LRBA: variants seen among roughly 807,000 people sequenced by gnomAD.
LRBA encodes the protein LPS responsive beige-like anchor protein.
A neutral mutation model predicts 330.0 loss-of-function variants in LRBA; 176 were observed. The observed-to-expected ratio is 0.53, with a 90% CI of 0.47 to 0.60. The LOEUF is 0.60. Ranked by LOEUF, LRBA falls within the 20% of genes least tolerant of loss-of-function variation. The pLI is 0.00. For missense variants in LRBA, 3,259 were observed against 3,444.8 expected, an observed-to-expected ratio of 0.95 and a Z score of 1.35; for synonymous variants, 1,230 against 1,193.0, an observed-to-expected ratio of 1.03 and a Z score of -0.64.
intron 35 of LRBA, among the ~76,000 whole-genome samples, chr4:150,739,388 A>C (rs575036528): frequency 2.0e-5 from 3 of 152,330 alleles, no homozygotes; most frequent in African/African-American, 7.2e-5. Flanking sequence ...GTCACAAAGC[A>C]ATTTACAGTG....
At chr4:150,618,885 C>T (rs1776037364) in intron 37 of LRBA, among the ~76,000 whole-genome samples, 1 of 150,074 alleles carries the variant, frequency 6.7e-6, no homozygotes, top group Admixed American at 6.6e-5. Context: ...CACATACACA[C>T]ACATATATAT....
chr4:150,900,054 C>A lies in LRBA; in HGVS notation c.1919G>T (p.Gly640Val). The A allele has an allele frequency of 6.2e-7, 1 of 1,608,362 alleles. No homozygotes were observed. The highest frequency in any genetic ancestry group is 1.3e-5 in the African/African-American group (1 of 74,818). Residue 640 changes from glycine to valine, a missense_variant, in exon 14 of 57, where the codon GGA becomes GTA. By Grantham distance (109) the Gly-to-Val change is moderately radical. Coordinates refer to ENST00000651943, the MANE Select transcript of LRBA (RefSeq NM_001364905.1). Reference sequence around the variant, plus strand: ...TACAGACAGAAATTATATACCTAATCCTTTTGGGGTGATACCACTTCGATC... The same window carrying A: ...TACAGACAGAAATTATATACCTAATACTTTTGGGGTGATACCACTTCGATC... ...PQDRSGITPKGLDGPRPNQKE... is the reference protein window; with the variant it reads ...PQDRSGITPKVLDGPRPNQKE...
Position 150,881,286 on chromosome 4 carries a change from T to C in LRBA, c.2166-8531A>G, listed in dbSNP as rs768527971. The stretch of plus-strand genomic sequence containing the variant: ...AACCTAGGTTTCTATCAACGGTAGA[T>C]TGGATAGAGAAAATGTAATACATAT... On this transcript the variant is annotated intron_variant, in intron 17 of 56. Coordinates refer to ENST00000651943, the MANE Select transcript of LRBA (RefSeq NM_001364905.1). 2.3e-4 allele frequency among the ~76,000 whole-genome samples: 35 copies of C among 152,110 alleles called. 1 individual carries two copies. Among genetic ancestry groups the C allele is most frequent in the Admixed American group, 1.8e-3 (27 of 15,268 alleles).
At chr4:150,842,782 G>A (rs1250399093) in intron 28 of LRBA, among the ~76,000 whole-genome samples, 1 of 151,992 alleles carries the variant, frequency 6.6e-6, no homozygotes, top group Admixed American at 6.6e-5. Context: ...CTTAAATATT[G>A]CTAACTCCCT....
chr4:150,265,545 G>A lies in LRBA; in HGVS notation c.*177C>T, dbSNP rs1745194322. ...AACCCAGCAGCCAGTTTTCTGCTTT[G>A]CTAATCCCCCCCAAAAAAGTCAAGC... is the stretch of plus-strand genomic sequence containing the variant. On this transcript the variant is annotated 3_prime_UTR_variant, in exon 57 of 57. Transcript: ENST00000651943. 2 of 531,164 alleles carry A rather than the reference G, an allele frequency of 3.8e-6. No individual in the cohort carries two copies. Among genetic ancestry groups the A allele is most frequent in the Non-Finnish European group, 6.9e-6 (2 of 291,612 alleles). The allele number at this position is 531,164 out of a possible 1,614,324, so 32.9% of individuals were successfully genotyped here.
At chr4:150,839,658 C>G (rs886543719) in intron 28 of LRBA, among the ~76,000 whole-genome samples, 21 of 152,084 alleles carry the variant, frequency 1.4e-4, no homozygotes, top group Non-Finnish European at 2.9e-5. Flanking sequence ...AACACTGCAT[C>G]TTCTCACTCA....
At chr4:150,422,535 C>T (rs1748962050) in intron 46 of LRBA, 2 of 439,456 alleles carry the variant, frequency 4.6e-6, no homozygotes, top group Non-Finnish European at 8.4e-6. Context: ...ACTGGCACTC[C>T]TGACCCACAC....
At chr4:150,470,899 C>T (rs1316471987) in intron 43 of LRBA, among the ~76,000 whole-genome samples, 1 of 150,192 alleles carries the variant, frequency 6.7e-6, no homozygotes, top group East Asian at 2.0e-4. Flanking sequence ...TACTTCCTAA[C>T]TTTACTTTCT....
chr4:150,283,263 C>G (rs1747768246), intron 54 of LRBA, among the ~76,000 whole-genome samples: 1 of 152,196 alleles, frequency 6.6e-6, no homozygotes. Flanking sequence ...AGCCACCTCC[C>G]TGCTGCCTTC....
intron 37 of LRBA, among the ~76,000 whole-genome samples, chr4:150,657,297 T>C (rs1277982804): frequency 6.6e-6 from 1 of 152,170 alleles, no homozygotes; most frequent in East Asian, 1.9e-4. Context: ...TAATTAATAA[T>C]TATGCTAAAA....
chr4:150,304,054 A>T lies in LRBA; in HGVS notation c.7850-1262T>A, dbSNP rs1730040302. ...GAATGCCATACAATGTCTACCCTTA[A>T]TATTCAGCATGGCTTTCTTTTTCTT... On this transcript the variant is annotated intron_variant, in intron 52 of 56. Coordinates refer to ENST00000651943, the MANE Select transcript of LRBA (RefSeq NM_001364905.1). 1.3e-5 allele frequency among the ~76,000 whole-genome samples: 2 copies of T among 152,194 alleles called. 1 individual carries two copies. The highest frequency in any genetic ancestry group is 4.1e-4 in the South Asian group (2 of 4,834).
intron 44 of LRBA, among the ~76,000 whole-genome samples, chr4:150,455,234 T>C (rs1214227628): frequency 6.6e-6 from 1 of 151,898 alleles, no homozygotes; most frequent in African/African-American, 2.4e-5. Context: ...GTTTGGTTTT[T>C]TGTTCTTGCG....
At chr4:150,598,782 TTAAG>T (rs1283427159) in intron 38 of LRBA, among the ~76,000 whole-genome samples, 1 of 152,224 alleles carries the variant, frequency 6.6e-6, no homozygotes, top group African/African-American at 2.4e-5. Flanking sequence ...AGGGTCTATG[TTAAG>T]TAAGTTTTGT....
intron 37 of LRBA, among the ~76,000 whole-genome samples, chr4:150,663,899 G>A (rs1024477585): frequency 5.9e-5 from 9 of 152,038 alleles, no homozygotes; most frequent in African/African-American, 1.2e-4. Flanking sequence ...GTCACATTTC[G>A]GAAGGATTCT....
intron 52 of LRBA, among the ~76,000 whole-genome samples, chr4:150,303,243 T>G (rs546980732): frequency 4.6e-5 from 7 of 152,322 alleles, no homozygotes; most frequent in African/African-American, 1.7e-4. Context: ...TATTTCTGAT[T>G]TACTGAAGAT....
intron 40 of LRBA, among the ~76,000 whole-genome samples, chr4:150,536,076 G>A (rs1764624929): frequency 6.6e-6 from 1 of 152,150 alleles, no homozygotes; most frequent in East Asian, 1.9e-4. Flanking sequence ...AAATAGATAA[G>A]TGCAGAGGTA....
chr4:150,305,416 T>C (rs1188509959), intron 52 of LRBA, among the ~76,000 whole-genome samples: 1 of 152,204 alleles, frequency 6.6e-6, no homozygotes, highest in Non-Finnish European at 1.5e-5. Context: ...CAAAAAGTTA[T>C]CACAATTAGT....
At chr4:150,849,040 A>G (rs1363691237) in intron 25 of LRBA, 42 bp from the exon 26 acceptor site, 1 of 1,366,846 alleles carries the variant, frequency 7.3e-7, no homozygotes, top group East Asian at 2.5e-5. Flanking sequence ...ATATATTCTG[A>G]AAAAAAAATT....
At chr4:150,675,412 A>G (rs1174848955) in intron 37 of LRBA, among the ~76,000 whole-genome samples, 1 of 152,130 alleles carries the variant, frequency 6.6e-6, no homozygotes, top group Non-Finnish European at 1.5e-5. Context: ...CGATGAGATA[A>G]TCCTTATAAA....
Sources: gnomAD v4.1 joint callset for allele counts (sites outside exome capture counted in the v4.1 genomes callset) on GRCh38, gnomAD v4.1.1 for gene constraint, MANE v1.5 for transcripts, NCBI Gene and HGNC (gene_info 2026-07-23, HGNC 2026-07-21) for gene names.